DIAPH3: variants seen among roughly 807,000 people sequenced by gnomAD.
The protein encoded by DIAPH3 is diaphanous related formin 3.
Under a neutral mutation model 144.3 loss-of-function variants are expected in DIAPH3, and 117 were observed. The observed-to-expected ratio is 0.81, with a 90% CI of 0.70 to 0.95. DIAPH3 has a LOEUF of 0.95. DIAPH3 is among the 40% of genes least tolerant of loss of function. The probability of loss-of-function intolerance (pLI) is 0.00; values close to 1 mark genes in which losing one functional copy is unlikely to be tolerated. For synonymous variants in DIAPH3, 519 were observed against 488.9 expected (o/e 1.06, Z -0.81); for missense variants, 1,421 against 1,412.7 (o/e 1.01, Z -0.09).
At chr13:59,727,644 C>T (rs1026338898) in intron 27 of DIAPH3, among the ~76,000 whole-genome samples, 8 of 152,136 alleles carry the variant, frequency 5.3e-5, no homozygotes, top group Admixed American at 1.3e-4. Flanking sequence ...AAGGGCAAAA[C>T]ACTGCCTATC....
At chr13:59,887,256 A>C (rs2045515165) in intron 20 of DIAPH3, among the ~76,000 whole-genome samples, 1 of 152,044 alleles carries the variant, frequency 6.6e-6, no homozygotes, top group Non-Finnish European at 1.5e-5. Flanking sequence ...GATCAATTCC[A>C]TGTGGTCATA....
At chr13:60,146,259 A>G (rs1012291012) in intron 1 of DIAPH3, among the ~76,000 whole-genome samples, 6 of 152,338 alleles carry the variant, frequency 3.9e-5, no homozygotes, top group African/African-American at 1.2e-4. Context: ...TTACCAGGCC[A>G]CCAGGTGCAG....
intron 1 of DIAPH3, among the ~76,000 whole-genome samples, chr13:60,139,616 G>A (rs191851639): frequency 1.1e-4 from 17 of 152,128 alleles, no homozygotes; most frequent in African/African-American, 4.1e-4. Flanking sequence ...GGTTTAAGGA[G>A]GCAACATACC....
At chr13:59,964,472 T>A (rs1455773293) in intron 17 of DIAPH3, among the ~76,000 whole-genome samples, 1 of 152,006 alleles carries the variant, frequency 6.6e-6, no homozygotes, top group Non-Finnish European at 1.5e-5. Context: ...AACAGACATG[T>A]TTTTTGTATA....
In DIAPH3 at chr13:59,823,250, T is replaced by C. The variant is rs143644590; in HGVS notation, c.3027+9857A>G. Among the ~76,000 whole-genome samples, 1,293 of 152,312 alleles carry C rather than the reference T, an allele frequency of 8.5e-3. 11 individuals are homozygous for C. Among genetic ancestry groups the C allele is most frequent in the Admixed American group, 0.012 (177 of 15,286 alleles). ...CCAATTAGTAAAGGTCTGTTTTTAC[T>C]GTGAAGAACTTAAAGAGTAAAGACT... On this transcript the variant is annotated intron_variant, in intron 24 of 27. Transcript: ENST00000400324.
At chr13:60,100,612 T>C (rs532130758) in intron 3 of DIAPH3, among the ~76,000 whole-genome samples, 12 of 152,252 alleles carry the variant, frequency 7.9e-5, no homozygotes, top group Admixed American at 7.8e-4. Flanking sequence ...TAGAGGTAGT[T>C]TGGTGAAAGG....
chr13:59,751,801 T>G (rs2037019915), intron 27 of DIAPH3, among the ~76,000 whole-genome samples: 2 of 152,212 alleles, frequency 1.3e-5, no homozygotes, highest in African/African-American at 2.4e-5. Flanking sequence ...GTGGTAACAG[T>G]ACTACAAGTA....
intron 4 of DIAPH3, among the ~76,000 whole-genome samples, chr13:60,052,241 A>G (rs1033365369): frequency 3.3e-5 from 5 of 152,176 alleles, no homozygotes; most frequent in African/African-American, 9.6e-5. Context: ...AGAATTGCCA[A>G]TGGGATTGCA....
intron 18 of DIAPH3, among the ~76,000 whole-genome samples, chr13:59,919,272 T>C (rs1348190924): frequency 6.6e-6 from 1 of 152,040 alleles, no homozygotes; most frequent in Non-Finnish European, 1.5e-5. Context: ...AGCAGAAAAC[T>C]TTCCAAACCT....
intron 3 of DIAPH3, among the ~76,000 whole-genome samples, chr13:60,096,998 G>GCAAA (rs1254872763): frequency 6.6e-6 from 1 of 152,078 alleles, no homozygotes; most frequent in Non-Finnish European, 1.5e-5. Flanking sequence ...ATATAGACAG[G>GCAAA]CAGGCATCCT....
rs377126772 is a variant in DIAPH3 at position 59,983,894 on chromosome 13, C to G, written c.1362-7G>C. ...TAATTTGAAGTATTGTTGCCTAAAA[C>G]CAAAGAAAAGAGTAAATGTACAATT... is the stretch of plus-strand genomic sequence containing the variant. On this transcript the variant is annotated splice_region_variant and splice_polypyrimidine_tract_variant and intron_variant, in intron 12 of 27. Coordinates refer to ENST00000400324, the MANE Select transcript of DIAPH3 (RefSeq NM_001042517.2). The G allele has an allele frequency of 3.4e-5, 53 of 1,553,912 alleles. No homozygotes were observed. Among genetic ancestry groups the G allele is most frequent in the Admixed American group, 2.7e-4 (16 of 59,592 alleles).
At chr13:59,879,665 A>G (rs1285498132) in intron 20 of DIAPH3, among the ~76,000 whole-genome samples, 197 bp from the exon 21 acceptor site, 1 of 152,146 alleles carries the variant, frequency 6.6e-6, no homozygotes, top group Admixed American at 6.6e-5. Flanking sequence ...CAAAACCCAA[A>G]TTAACAATTT....
intron 2 of DIAPH3, among the ~76,000 whole-genome samples, chr13:60,121,911 G>C (rs2058855826): frequency 6.6e-6 from 1 of 152,082 alleles, no homozygotes; most frequent in Non-Finnish European, 1.5e-5. Flanking sequence ...TGTCTCTACT[G>C]TCGCTAGCTC....
At position 59,992,591 on chromosome 13, in the gene DIAPH3, A is replaced by G. The variant is rs372969363; in HGVS notation, c.1015-8T>C. Reference sequence around the variant, plus strand: ...GAGCTGCATACAAGCTACCTACAAGAGATCAAACAGTGAGACAGACTGGGT... The same window carrying G: ...GAGCTGCATACAAGCTACCTACAAGGGATCAAACAGTGAGACAGACTGGGT... On this transcript the variant is annotated splice_polypyrimidine_tract_variant and splice_region_variant and intron_variant, in intron 9 of 27. Coordinates refer to ENST00000400324, the MANE Select transcript of DIAPH3 (RefSeq NM_001042517.2). 6.2e-7 allele frequency: 1 copy of G among 1,603,750 alleles called. No individual in the cohort carries two copies. The highest frequency in any genetic ancestry group is 8.5e-7 in the Non-Finnish European group (1 of 1,171,950).
At chr13:59,783,825 TTTG>T (rs2038884355) in intron 25 of DIAPH3, among the ~76,000 whole-genome samples, 1 of 152,204 alleles carries the variant, frequency 6.6e-6, no homozygotes, top group African/African-American at 2.4e-5. Flanking sequence ...ACAGTGAATC[TTTG>T]TTATTTTGCT....
At chr13:59,921,424 T>C (rs1427037766) in intron 18 of DIAPH3, among the ~76,000 whole-genome samples, 1 of 151,554 alleles carries the variant, frequency 6.6e-6, no homozygotes. Context: ...AAAAAAAGAA[T>C]TATATGAGAC....
At chr13:60,127,765 C>T (rs1317354649) in intron 2 of DIAPH3, among the ~76,000 whole-genome samples, 3 of 152,040 alleles carry the variant, frequency 2.0e-5, no homozygotes, top group Admixed American at 6.6e-5. Flanking sequence ...ACAGAGGGAA[C>T]CTTTTGGGGT....
chr13:59,925,012 G>C, intron 17 of DIAPH3, 142 bp from the exon 18 acceptor site: 1 of 1,394,310 alleles, frequency 7.2e-7, no homozygotes, highest in Non-Finnish European at 9.5e-7. Flanking sequence ...TAAAACGATA[G>C]ATATCCCAAG....
At chr13:59,733,692 C>T (rs186999659) in intron 27 of DIAPH3, among the ~76,000 whole-genome samples, 23 of 152,332 alleles carry the variant, frequency 1.5e-4, no homozygotes, top group African/African-American at 5.5e-4. Flanking sequence ...CACCCCCAAT[C>T]TCTTTTCATT....
Sources: allele counts gnomAD v4.1 joint callset (sites outside exome capture counted in the v4.1 genomes callset), GRCh38; gene constraint gnomAD v4.1.1; transcripts MANE v1.5; gene names NCBI Gene and HGNC (gene_info 2026-07-23, HGNC 2026-07-21).